The following XXYLT1 variants were observed in gnomAD, a reference collection of about 807,000 sequenced individuals.
XXYLT1 encodes xyloside xylosyltransferase 1.
Under a neutral mutation model 28.9 loss-of-function variants are expected in XXYLT1, and 20 were observed. The observed-to-expected ratio is 0.69, with a 90% CI of 0.49 to 1.00. The LOEUF (loss-of-function observed/expected upper bound fraction) is 1.00. XXYLT1 is among the 50% of genes least tolerant of loss of function. XXYLT1 has a pLI of 0.00. For missense variants in XXYLT1, 542 were observed against 560.1 expected (o/e 0.97, Z 0.33); for synonymous variants, 257 against 253.8 (o/e 1.01, Z -0.12).
chr3:195,207,699 G>A (rs2108774226), intron 2 of XXYLT1, among the ~76,000 whole-genome samples: 1 of 152,126 alleles, frequency 6.6e-6, no homozygotes. Context: ...TTATCTTACA[G>A]ATAAATAAAT....
At chr3:195,121,441 A>G (rs1718356633) in intron 3 of XXYLT1, among the ~76,000 whole-genome samples, 2 of 152,126 alleles carry the variant, frequency 1.3e-5, no homozygotes, top group Admixed American at 1.3e-4. Flanking sequence ...CATACCCTCC[A>G]GGATGACCTC....
At chr3:195,253,503 C>CTTTTTTTTTTTTTTT (rs1231480044) in intron 1 of XXYLT1, among the ~76,000 whole-genome samples, 5 of 130,240 alleles carry the variant, frequency 3.8e-5, no homozygotes, top group East Asian at 2.1e-4. Flanking sequence ...CTTTTTTTTT[C>CTTTTTTTTTTTTTTT]TTTTTTTTTT....
intron 2 of XXYLT1, 111 bp downstream of exon 2, chr3:195,226,598 T>A: frequency 7.2e-7 from 1 of 1,382,074 alleles, no homozygotes; most frequent in Non-Finnish European, 9.8e-7. Flanking sequence ...CACTCTTTCA[T>A]GTTCAGTGGA....
rs74361115 is a variant in XXYLT1 at position 195,129,228 on chromosome 3, C to CT, written c.785+27220dup. The stretch of plus-strand genomic sequence containing the variant: ...ACAACCTCCTGCCCTCTCTCTCTCT[C>CT]TTTTTTTGGTAACAGCTTTCTTGAC... On this transcript the variant is annotated intron_variant, in intron 3 of 3. Coordinates refer to ENST00000310380, the MANE Select transcript of XXYLT1 (RefSeq NM_152531.5). The surrounding 1 kb of genome is among the most constrained non-coding windows in gnomAD (Gnocchi z 4.4). 5.3e-5 allele frequency among the ~76,000 whole-genome samples: 8 copies of CT among 152,132 alleles called. No individual in the cohort carries two copies. The East Asian group carries it at 7.7e-4, about 15-fold the overall frequency.
At chr3:195,114,335 G>A (rs1233780504) in intron 3 of XXYLT1, among the ~76,000 whole-genome samples, 1 of 152,182 alleles carries the variant, frequency 6.6e-6, no homozygotes, top group Admixed American at 6.5e-5. Context: ...GGATCTGAGG[G>A]GCCAAGGAAT....
At chr3:195,105,610 T>C (rs1040667382) in intron 3 of XXYLT1, among the ~76,000 whole-genome samples, 3 of 152,254 alleles carry the variant, frequency 2.0e-5, no homozygotes, top group African/African-American at 7.2e-5. Flanking sequence ...CAGGAAATTG[T>C]CGTTTAACAA....
intron 1 of XXYLT1, among the ~76,000 whole-genome samples, chr3:195,234,231 G>C (rs149100367): frequency 6.7e-6 from 1 of 149,924 alleles, no homozygotes; most frequent in African/African-American, 2.5e-5. Flanking sequence ...TTTCTTGTAC[G>C]ATAGGTCTGG....
chr3:195,234,250 A>C (rs927688417), intron 1 of XXYLT1, among the ~76,000 whole-genome samples: 1 of 147,530 alleles, frequency 6.8e-6, no homozygotes, highest in Non-Finnish European at 1.5e-5. Context: ...GGTATTGATG[A>C]AATCCATCAA....
intron 3 of XXYLT1, among the ~76,000 whole-genome samples, chr3:195,104,247 A>C (rs1262702304): frequency 8.0e-6 from 1 of 124,900 alleles, no homozygotes; most frequent in African/African-American, 3.2e-5. Flanking sequence ...GTGTGTGTGT[A>C]TTTTATGAGA....
intron 2 of XXYLT1, among the ~76,000 whole-genome samples, chr3:195,208,884 T>C (rs1207244351): frequency 6.6e-6 from 1 of 152,076 alleles, no homozygotes; most frequent in African/African-American, 2.4e-5. Flanking sequence ...CAAGAGGAGT[T>C]TCCTTGAGGT....
rs192066130 is a variant in XXYLT1 at position 195,180,244 on chromosome 3, C to T, written c.653-23663G>A. 6.9e-5 allele frequency: 61 copies of T among 886,546 alleles called. No homozygotes were observed. In the African/African-American group the frequency reaches 8.9e-4, roughly 13 times the overall value. 54.9% of individuals were successfully genotyped at this position (886,546 alleles called of 1,614,324 possible). A position where few individuals can be genotyped will look rare whatever the true frequency, so the allele number is the denominator to read the frequency against. ...CAGATCCCCGTCTCTGCACTGACAC[C>T]GGGGGTGGTGAGTGGCACACTCGGT... On this transcript the variant is annotated intron_variant, in intron 2 of 3. Transcript: ENST00000310380. The surrounding 1 kb of genome is among the most constrained non-coding windows in gnomAD (Gnocchi z 5.8).
At chr3:195,107,850 T>C in intron 3 of XXYLT1, among the ~76,000 whole-genome samples, 1 of 151,650 alleles carries the variant, frequency 6.6e-6, no homozygotes, top group Non-Finnish European at 1.5e-5. Flanking sequence ...ATGAGGAAAA[T>C]GGAGACTCCC....
At chr3:195,142,396 T>G (rs1015911092) in intron 3 of XXYLT1, among the ~76,000 whole-genome samples, 3 of 152,236 alleles carry the variant, frequency 2.0e-5, no homozygotes, top group African/African-American at 4.8e-5. Flanking sequence ...GTTCCCCCTC[T>G]CCTTCCTTTT....
Position 195,129,944 on chromosome 3 carries a change from C to G in XXYLT1, c.785+26505G>C, listed in dbSNP as rs1718821309. Among the ~76,000 whole-genome samples, 1 of 152,178 alleles carries G rather than the reference C, an allele frequency of 6.6e-6. No individual in the cohort carries two copies. The highest frequency in any genetic ancestry group is 1.9e-4 in the East Asian group (1 of 5,200). Reference sequence around the variant, plus strand: ...TTCCCACCACCAGTGAGTGCGGGTTCCCATGCCTCCAACTCCTCACCAGCA... The same window carrying G: ...TTCCCACCACCAGTGAGTGCGGGTTGCCATGCCTCCAACTCCTCACCAGCA... On this transcript the variant is annotated intron_variant, in intron 3 of 3. Coordinates refer to ENST00000310380, the MANE Select transcript of XXYLT1 (RefSeq NM_152531.5). The surrounding 1 kb of genome is among the most constrained non-coding windows in gnomAD (Gnocchi z 4.4).
chr3:195,259,726 GGCCTCTGGCGGCCTCGGGTCTTTT>G lies in XXYLT1; in HGVS notation c.504+10805_504+10828del, dbSNP rs1227020692. ...CAGCACCAGGGCGGCCCCCGGAGCC[GGCCTCTGGCGGCCTCGGGTCTTTT>G]GCCAAATTCCCCACCGGCGCCAGGA... is the stretch of plus-strand genomic sequence containing the variant. On this transcript the variant is annotated intron_variant, in intron 1 of 3. Coordinates refer to ENST00000310380, the MANE Select transcript of XXYLT1 (RefSeq NM_152531.5). 6 of 955,402 alleles carry G rather than the reference GGCCTCTGGCGGCCTCGGGTCTTTT, an allele frequency of 6.3e-6. No homozygotes were observed. In the African/African-American group the frequency reaches 1.1e-4, roughly 17 times the overall value. 59.2% of individuals were successfully genotyped at this position (955,402 alleles called of 1,614,324 possible). A position where few individuals can be genotyped will look rare whatever the true frequency, so the allele number is the denominator to read the frequency against.
intron 2 of XXYLT1, among the ~76,000 whole-genome samples, chr3:195,188,497 G>A (rs1182614223): frequency 6.6e-6 from 1 of 152,218 alleles, no homozygotes; most frequent in African/African-American, 2.4e-5. Flanking sequence ...GTGCAGAATT[G>A]CTGCTGAGCT....
intron 3 of XXYLT1, among the ~76,000 whole-genome samples, chr3:195,139,948 G>A (rs559449332): frequency 2.6e-5 from 4 of 152,278 alleles, no homozygotes; most frequent in South Asian, 2.1e-4. Context: ...GGCATAAGGC[G>A]ACATCTCCCG....
At position 195,076,589 on chromosome 3, in the gene XXYLT1, G is replaced by C. The variant is rs527465351; in HGVS notation, c.786-6478C>G. On this transcript the variant is annotated intron_variant, in intron 3 of 3. Coordinates refer to ENST00000310380, the MANE Select transcript of XXYLT1 (RefSeq NM_152531.5). This position sits in a 1 kb window ranked among gnomAD's most constrained non-coding sequence, Gnocchi z 5.3. ...CTGCCATCGCAAAGTACCACCAATG[G>C]GGCGGCTTCAGCAGCAGAAAGGTGC... Among the ~76,000 whole-genome samples the C allele has an allele frequency of 2.6e-5, 4 of 152,144 alleles. No homozygotes were observed. The highest frequency in any genetic ancestry group is 1.5e-5 in the Non-Finnish European group (1 of 68,024).
intron 1 of XXYLT1, among the ~76,000 whole-genome samples, chr3:195,233,004 G>T (rs184502068): frequency 4.6e-5 from 7 of 152,206 alleles, no homozygotes; most frequent in African/African-American, 1.7e-4. Flanking sequence ...TCATTGTATT[G>T]GGGTCTATCT....
Sources: allele counts gnomAD v4.1 joint callset (sites outside exome capture counted in the v4.1 genomes callset), GRCh38; gene constraint gnomAD v4.1.1; non-coding constraint Gnocchi (gnomAD v3.1); transcripts MANE v1.5; gene names NCBI Gene and HGNC (gene_info 2026-07-23, HGNC 2026-07-21).